SYNPR: variants seen among roughly 807,000 people sequenced by gnomAD.
The protein encoded by SYNPR is synaptoporin.
SYNPR carries 23 observed loss-of-function variants against 32.9 expected under a neutral mutation model. That is an observed-to-expected ratio of 0.70 (90% CI 0.50 to 0.99). SYNPR has a LOEUF of 0.99. Among genes scored for constraint, SYNPR ranks in the 50% least tolerant of loss-of-function variants. The pLI is 0.00. For synonymous variants in SYNPR, 146 were observed against 135.9 expected (o/e 1.07, Z -0.52); for missense variants, 318 against 349.3 (o/e 0.91, Z 0.71).
At chr3:63,235,814 T>C (rs2086196691) in intron 1 of SYNPR, among the ~76,000 whole-genome samples, 2 of 152,140 alleles carry the variant, frequency 1.3e-5, no homozygotes, top group Non-Finnish European at 2.9e-5. Context: ...TAGTAAACTT[T>C]CTTTTCATTC....
At chr3:63,482,552 C>A (rs17068745) in intron 3 of SYNPR, among the ~76,000 whole-genome samples, 24,728 of 152,022 alleles carry the variant, frequency 0.16, 2,048 homozygotes, top group Admixed American at 0.18. Flanking sequence ...CTCCTGGGAA[C>A]CCTAGGTCTC....
chr3:63,260,955 A>G (rs6783896), intron 2 of SYNPR, among the ~76,000 whole-genome samples: 126,840 of 152,030 alleles, frequency 0.83, 53,562 homozygotes, highest in African/African-American at 0.91. Flanking sequence ...GCCAAAAGAC[A>G]TATGAAAAAA....
At chr3:63,583,257 G>C (rs1417624263) in intron 4 of SYNPR, among the ~76,000 whole-genome samples, 1 of 152,052 alleles carries the variant, frequency 6.6e-6, no homozygotes, top group African/African-American at 2.4e-5. Flanking sequence ...GGAGATGGCT[G>C]TTTCACTTCT....
At chr3:63,278,766 G>A (rs1238653809) in intron 2 of SYNPR, 24 bp downstream of exon 2, 2 of 1,551,028 alleles carry the variant, frequency 1.3e-6, no homozygotes, top group Non-Finnish European at 1.7e-6. Flanking sequence ...TGTGTGCAGG[G>A]AGGGGCGCCA....
intron 4 of SYNPR, among the ~76,000 whole-genome samples, chr3:63,560,245 T>A (rs1000170418): frequency 2.6e-5 from 4 of 152,154 alleles, no homozygotes; most frequent in African/African-American, 9.7e-5. Context: ...TAAAGTTAAT[T>A]TAAAGATGAG....
intron 2 of SYNPR, among the ~76,000 whole-genome samples, chr3:63,338,608 A>T (rs935525476): frequency 6.6e-6 from 1 of 152,192 alleles, no homozygotes; most frequent in African/African-American, 2.4e-5. Flanking sequence ...ATTCTAATAG[A>T]ATGATTATAT....
chr3:63,485,596 C>T (rs777758691), intron 3 of SYNPR, among the ~76,000 whole-genome samples: 3 of 152,010 alleles, frequency 2.0e-5, no homozygotes, highest in Non-Finnish European at 4.4e-5. Flanking sequence ...CAATACAATG[C>T]AAATTTTGAA....
intron 2 of SYNPR, among the ~76,000 whole-genome samples, chr3:63,298,088 C>T (rs552002629): frequency 4.6e-5 from 7 of 152,136 alleles, no homozygotes; most frequent in African/African-American, 1.4e-4. Flanking sequence ...AATTCAGGCC[C>T]CTCCCATAAT....
chr3:63,488,808 T>C (rs1173154224), intron 3 of SYNPR, among the ~76,000 whole-genome samples: 2 of 152,108 alleles, frequency 1.3e-5, no homozygotes, highest in Non-Finnish European at 1.5e-5. Flanking sequence ...CTATCATTTG[T>C]AGGGAATGTC....
intron 4 of SYNPR, among the ~76,000 whole-genome samples, chr3:63,564,039 C>G (rs1455170817): frequency 4.7e-5 from 7 of 150,466 alleles, no homozygotes; most frequent in African/African-American, 7.3e-5. Context: ...AATGAAGGAC[C>G]TTGTTTTTGA....
intron 2 of SYNPR, among the ~76,000 whole-genome samples, chr3:63,460,890 G>A (rs1700572251): frequency 6.6e-6 from 1 of 152,044 alleles, no homozygotes; most frequent in Non-Finnish European, 1.5e-5. Context: ...ACCACTCTGG[G>A]CAAATGATGA....
intron 2 of SYNPR, among the ~76,000 whole-genome samples, chr3:63,408,689 C>T (rs1387277233): frequency 1.3e-5 from 2 of 152,150 alleles, no homozygotes; most frequent in Non-Finnish European, 2.9e-5. Context: ...TTCACCTTTC[C>T]TCTGCCTTTT....
chr3:63,326,369 G>GTT (rs2087167780), intron 2 of SYNPR, among the ~76,000 whole-genome samples: 1 of 151,984 alleles, frequency 6.6e-6, no homozygotes, highest in Non-Finnish European at 1.5e-5. Flanking sequence ...CATTTCTCAG[G>GTT]TTATATATAA....
At chr3:63,387,736 G>A (rs774300584) in intron 2 of SYNPR, among the ~76,000 whole-genome samples, 9 of 152,130 alleles carry the variant, frequency 5.9e-5, no homozygotes, top group African/African-American at 9.7e-5. Flanking sequence ...AGCAAGAAAG[G>A]CATTATGTAG....
intron 2 of SYNPR, among the ~76,000 whole-genome samples, chr3:63,425,780 C>CTTT (rs556889581): frequency 3.7e-5 from 5 of 136,802 alleles, no homozygotes; most frequent in Non-Finnish European, 4.8e-5. Context: ...TGGAAATAGA[C>CTTT]TTTTTTTTTT....
At chr3:63,470,456 T>C (rs7629131) in intron 2 of SYNPR, among the ~76,000 whole-genome samples, 38,562 of 152,056 alleles carry the variant, frequency 0.25, 6,074 homozygotes, top group African/African-American at 0.44. Flanking sequence ...AAAAATATAA[T>C]TCAAGCAGAA....
the SYNPR span, among the ~76,000 whole-genome samples, chr3:63,209,479 G>A: frequency 6.6e-6 from 1 of 152,058 alleles, no homozygotes; most frequent in African/African-American, 2.4e-5. Context: ...AGTCTGGGGG[G>A]GTTAATTTAA....
chr3:63,419,955 C>G, intron 2 of SYNPR, among the ~76,000 whole-genome samples: 1 of 152,126 alleles, frequency 6.6e-6, no homozygotes, highest in Admixed American at 6.5e-5. Flanking sequence ...AGGGAAATAG[C>G]TATGATGGTT....
chr3:63,287,709 A>C (rs1203403069), intron 2 of SYNPR, among the ~76,000 whole-genome samples: 1 of 152,212 alleles, frequency 6.6e-6, no homozygotes, highest in Non-Finnish European at 1.5e-5. Context: ...TATTGGTAAC[A>C]CATTGGATGA....
Sources: gnomAD v4.1 joint callset for allele counts (sites outside exome capture counted in the v4.1 genomes callset) on GRCh38, gnomAD v4.1.1 for gene constraint, MANE v1.5 for transcripts, NCBI Gene and HGNC (gene_info 2026-07-23, HGNC 2026-07-21) for gene names.